The following ERG variants were observed in gnomAD, a reference collection of about 807,000 sequenced individuals.
ERG encodes transcriptional regulator ERG.
A neutral mutation model predicts 55.3 loss-of-function variants in ERG; 9 were observed. The ratio of observed to expected loss-of-function variants is 0.16; its 90% CI spans 0.10 to 0.28. The LOEUF (loss-of-function observed/expected upper bound fraction) is 0.28, where lower values mean the gene tolerates loss of function less well. Ranked by LOEUF, ERG falls within the 10% of genes least tolerant of loss-of-function variation. The pLI, the probability that ERG is intolerant of heterozygous loss-of-function variation, is 1.00. For synonymous variants in ERG, 223 were observed against 237.3 expected, an observed-to-expected ratio of 0.94 and a Z score of 0.55; for missense variants, 434 against 631.6, an observed-to-expected ratio of 0.69 and a Z score of 3.35.
rs898270526 is a variant in ERG, at chr21:38,382,780, T to TA, written c.*622dup. 3.2e-5 allele frequency: 34 copies of TA among 1,066,150 alleles called. No individual in the cohort carries two copies. The African/African-American group carries it at 5.2e-4, about 16-fold the overall frequency. 66.0% of individuals were successfully genotyped at this position (1,066,150 alleles called of 1,614,324 possible). On this transcript the variant is annotated 3_prime_UTR_variant, in exon 10 of 10. Transcript: ENST00000288319. ...TTAGTTCATAGTCCCGGTAATACTG[T>TA]AAAGGAGTTGGAAACTTTGGGTCAT...
At chr21:38,577,397 T>A (rs1206998969) in intron 1 of ERG, among the ~76,000 whole-genome samples, 1 of 151,970 alleles carries the variant, frequency 6.6e-6, no homozygotes, top group Non-Finnish European at 1.5e-5. Context: ...ACCTTAGGCA[T>A]TTTTTTTCTA....
At chr21:38,473,007 C>T (rs1336362660) in intron 1 of ERG, among the ~76,000 whole-genome samples, 1 of 152,180 alleles carries the variant, frequency 6.6e-6, no homozygotes, top group African/African-American at 2.4e-5. Flanking sequence ...CGGCATGAGG[C>T]AGGCAGCAGG....
At chr21:38,651,952 G>A (rs2060491014) in intron 1 of ERG, among the ~76,000 whole-genome samples, 1 of 152,200 alleles carries the variant, frequency 6.6e-6, no homozygotes, top group African/African-American at 2.4e-5. Context: ...AAGAGCCACA[G>A]TGAAGACAGT....
intron 1 of ERG, among the ~76,000 whole-genome samples, chr21:38,454,560 C>T (rs1292664083): frequency 6.6e-6 from 1 of 152,170 alleles, no homozygotes; most frequent in Non-Finnish European, 1.5e-5. Context: ...CTGATGGCAA[C>T]CAGCTGCCGA....
At chr21:38,489,796 A>G (rs767624700) in intron 1 of ERG, among the ~76,000 whole-genome samples, 1 of 152,198 alleles carries the variant, frequency 6.6e-6, no homozygotes, top group African/African-American at 2.4e-5. Context: ...CTGGGGTAAG[A>G]GAAGTGATTG....
chr21:38,452,132 G>C (rs1481997317), intron 1 of ERG, among the ~76,000 whole-genome samples: 1 of 124,758 alleles, frequency 8.0e-6, no homozygotes, highest in Admixed American at 8.4e-5. Flanking sequence ...TCCATCTAAA[G>C]AGAGTATTTC....
At chr21:38,386,981 C>T (rs1048823650) in intron 9 of ERG, among the ~76,000 whole-genome samples, 2 of 151,928 alleles carry the variant, frequency 1.3e-5, no homozygotes, top group Admixed American at 6.6e-5. Context: ...AGAGGCACTC[C>T]TTTAATTTTA....
At chr21:38,660,691 G>A (rs2060548514) in intron 1 of ERG, 2 of 151,968 alleles carry the variant, frequency 1.3e-5, no homozygotes, top group African/African-American at 2.4e-5. Flanking sequence ...GCCGGGTTCA[G>A]GGAGGCTCCG....
intron 9 of ERG, among the ~76,000 whole-genome samples, chr21:38,384,899 G>A (rs973158719): frequency 1.1e-4 from 16 of 151,428 alleles, no homozygotes; most frequent in African/African-American, 3.4e-4. Context: ...TTGGGCAAGC[G>A]CATCGTAACG....
intron 1 of ERG, among the ~76,000 whole-genome samples, chr21:38,473,778 A>G (rs1271936810): frequency 7.4e-6 from 1 of 135,654 alleles, no homozygotes. Context: ...GGATCTAAAC[A>G]GGCATAAATA....
rs1382788233 is a variant in ERG at position 38,429,569 on chromosome 21, A to G, written c.237-6008T>C. On this transcript the variant is annotated intron_variant, in intron 2 of 9. Coordinates refer to ENST00000288319, the MANE Select transcript of ERG (RefSeq NM_182918.4). Reference sequence around the variant, plus strand: ...TATGTGTATATGTACATGTATACACATGTACATATATACATATGTGTATAT... The same window carrying G: ...TATGTGTATATGTACATGTATACACGTGTACATATATACATATGTGTATAT... Among the ~76,000 whole-genome samples the G allele has an allele frequency of 3.9e-5, 4 of 102,206 alleles. 1 individual carries two copies. Among genetic ancestry groups the G allele is most frequent in the Non-Finnish European group, 6.6e-5 (3 of 45,434 alleles). 67.1% of individuals were successfully genotyped at this position (102,206 alleles called of 152,430 possible). A position where few individuals can be genotyped will look rare whatever the true frequency, so the allele number is the denominator to read the frequency against.
At chr21:38,520,191 C>T (rs13047775) in intron 2 of ERG, among the ~76,000 whole-genome samples, 1 of 152,114 alleles carries the variant, frequency 6.6e-6, no homozygotes, top group African/African-American at 2.4e-5. Context: ...GGAAGGAACA[C>T]AGAGCTTAGA....
In ERG at chr21:38,604,178, C is replaced by T. The variant is rs190746267; in HGVS notation, c.-149-19233G>A. On this transcript the variant is annotated intron_variant, in intron 1 of 10. Coordinates refer to the ERG transcript ENST00000398910. ...CTGAGGCAGGAGAATGGCGTGAACCCGGGAGGCGGAGCTTGCAGTGAGCCG... is the reference window on the plus strand; with the variant it reads ...CTGAGGCAGGAGAATGGCGTGAACCTGGGAGGCGGAGCTTGCAGTGAGCCG... Among the ~76,000 whole-genome samples the T allele has an allele frequency of 2.9e-3, 443 of 150,192 alleles. 5 individuals are homozygous for T. Among genetic ancestry groups the T allele is most frequent in the African/African-American group, 0.01 (414 of 40,734 alleles).
chr21:38,440,454 C>T (rs757638887), intron 2 of ERG, among the ~76,000 whole-genome samples: 5 of 152,190 alleles, frequency 3.3e-5, no homozygotes, highest in Non-Finnish European at 5.9e-5. Flanking sequence ...TGCTGGTTCA[C>T]GGTGTCCAAA....
intron 1 of ERG, among the ~76,000 whole-genome samples, chr21:38,635,279 G>C (rs973648233): frequency 8.6e-5 from 13 of 152,002 alleles, no homozygotes; most frequent in Admixed American, 3.9e-4. Context: ...TACTATAATA[G>C]TATAGCCTAC....
chr21:38,584,495 A>C (rs2060050219), intron 1 of ERG, among the ~76,000 whole-genome samples: 1 of 152,236 alleles, frequency 6.6e-6, no homozygotes, highest in Admixed American at 6.5e-5. Context: ...GTCTGTAGAC[A>C]CCTAGCTTCT....
the ERG span, among the ~76,000 whole-genome samples, chr21:38,373,106 T>C: frequency 2.0e-5 from 3 of 152,286 alleles, no homozygotes; most frequent in African/African-American, 7.2e-5. Context: ...CAGGGATCCC[T>C]GATGGGGCTA....
chr21:38,542,896 G>GTT (rs1320940207), intron 2 of ERG, among the ~76,000 whole-genome samples: 1 of 152,106 alleles, frequency 6.6e-6, no homozygotes, highest in Non-Finnish European at 1.5e-5. Context: ...TGCCTTAAAG[G>GTT]TTTTTTAAAT....
chr21:38,438,451 C>A (rs1191035800), intron 2 of ERG, among the ~76,000 whole-genome samples: 1 of 152,230 alleles, frequency 6.6e-6, no homozygotes, highest in African/African-American at 2.4e-5. Context: ...CACGCATAAA[C>A]AGTATGTCTA....
Sources: gnomAD v4.1 joint callset for allele counts (sites outside exome capture counted in the v4.1 genomes callset) on GRCh38, gnomAD v4.1.1 for gene constraint, MANE v1.5 for transcripts, NCBI Gene and HGNC (gene_info 2026-07-23, HGNC 2026-07-21) for gene names.